The following DTX1 variants were observed in gnomAD, a reference collection of about 807,000 sequenced individuals.
The protein encoded by DTX1 is deltex E3 ubiquitin ligase 1.
DTX1 carries 26 observed loss-of-function variants against 57.8 expected under a neutral mutation model. The observed-to-expected ratio is 0.45, with a 90% confidence interval of 0.33 to 0.62. The LOEUF (loss-of-function observed/expected upper bound fraction) is 0.62. DTX1 is among the 20% of genes least tolerant of loss of function. The probability of loss-of-function intolerance (pLI) is 0.02; values close to 1 mark genes in which losing one functional copy is unlikely to be tolerated. For synonymous variants in DTX1, 398 were observed against 394.1 expected (o/e 1.01, Z -0.12); for missense variants, 704 against 895.3 (o/e 0.79, Z 2.73).
At position 113,077,718 on chromosome 12, in the gene DTX1, C is replaced by T; in HGVS notation, c.554C>T (p.Pro185Leu). Residue 185 changes from proline to leucine, a missense_variant, in exon 3 of 10, where the codon CCT becomes CTT. Pro to Leu is a moderately conservative substitution (Grantham distance 98, BLOSUM62 -3). Coordinates refer to ENST00000548759, the MANE Select transcript of DTX1 (RefSeq NM_004416.3). The surrounding 1 kb of genome is among the most constrained non-coding windows in gnomAD (Gnocchi z 7.8). ...TACCCGCTCACCGTGGGCTCCATCC[C>T]TAAGTCGCAGTCGTGGCCCGTGGGC... ...LAYPLTVGSIPKSQSWPVGAS... is the reference protein window; with the variant it reads ...LAYPLTVGSILKSQSWPVGAS... The T allele has an allele frequency of 1.3e-6, 2 of 1,539,166 alleles. No homozygotes were observed. The highest frequency in any genetic ancestry group is 1.7e-6 in the Non-Finnish European group (2 of 1,147,450).
intron 2 of DTX1, among the ~76,000 whole-genome samples, chr12:113,061,538 C>T (rs927996787): frequency 3.8e-4 from 58 of 152,246 alleles, no homozygotes; most frequent in African/African-American, 1.2e-3. Flanking sequence ...TTTCCACATC[C>T]GTGAAATGGG....
chr12:113,089,066 A>G (rs1259284496), intron 3 of DTX1, among the ~76,000 whole-genome samples: 1 of 152,184 alleles, frequency 6.6e-6, no homozygotes, highest in Non-Finnish European at 1.5e-5. Flanking sequence ...ATAAGCTGAC[A>G]TTTGAGCAGA....
chr12:113,089,621 C>T (rs2136065371), intron 3 of DTX1, among the ~76,000 whole-genome samples: 1 of 152,296 alleles, frequency 6.6e-6, no homozygotes, highest in Non-Finnish European at 1.5e-5. Flanking sequence ...CTCCCACGCT[C>T]AGGGTTCGTG....
At chr12:113,089,744 A>G (rs1460737851) in intron 3 of DTX1, 1 of 152,270 alleles carries the variant, frequency 6.6e-6, no homozygotes. Context: ...ACAGTCCCAC[A>G]GTGACACCCC....
At chr12:113,068,302 G>A (rs2044717792) in intron 2 of DTX1, among the ~76,000 whole-genome samples, 1 of 152,196 alleles carries the variant, frequency 6.6e-6, no homozygotes, top group Non-Finnish European at 1.5e-5. Flanking sequence ...GGGCTGCCAG[G>A]CCCGAAGGAA....
chr12:113,073,415 C>G (rs1383607376), intron 2 of DTX1, among the ~76,000 whole-genome samples: 1 of 152,170 alleles, frequency 6.6e-6, no homozygotes, highest in African/African-American at 2.4e-5. Context: ...AATGATAAAT[C>G]AGGCATCAGA....
At chr12:113,075,963 G>A (rs554760447) in intron 2 of DTX1, among the ~76,000 whole-genome samples, 1 of 151,934 alleles carries the variant, frequency 6.6e-6, no homozygotes, top group Non-Finnish European at 1.5e-5. Context: ...ATTCTAGCGA[G>A]GGGGGGACAG....
Position 113,094,112 on chromosome 12 carries a change from T to TGGGGGGGGGGGGGGAG in DTX1, c.1227+20_1227+21insGGGGGGGAGGGGGGGG. The TGGGGGGGGGGGGGGAG allele has an allele frequency of 4.4e-6, 2 of 454,742 alleles. No homozygotes were observed. Among genetic ancestry groups the TGGGGGGGGGGGGGGAG allele is most frequent in the Admixed American group, 6.7e-5 (2 of 29,696 alleles). The allele number at this position is 454,742 out of a possible 1,614,324, so 28.2% of individuals were successfully genotyped here. On this transcript the variant is annotated intron_variant, in intron 6 of 9. Transcript: ENST00000548759. ...CCCACCTGATGAGGTGAGGAGGGGATGGGGGGGCTGGGGGAGGGCCCTGGC... is the reference window on the plus strand; with the variant it reads ...CCCACCTGATGAGGTGAGGAGGGGATGGGGGGGGGGGGGGAGGGGGGGGCTGGGGGAGGGCCCTGGC...
intron 3 of DTX1, among the ~76,000 whole-genome samples, chr12:113,086,823 A>G (rs1027297364): frequency 1.1e-5 from 1 of 87,462 alleles, no homozygotes; most frequent in Admixed American, 1.2e-4. Context: ...CTGGCTGCCC[A>G]CCCTCCCCCA....
At position 113,094,727 on chromosome 12, in the gene DTX1, G is replaced by A. The variant is rs1182578998; in HGVS notation, c.1228-62G>A. 4.5e-6 allele frequency: 7 copies of A among 1,570,446 alleles called. No homozygotes were observed. In the African/African-American group the frequency reaches 9.4e-5, roughly 21 times the overall value. On this transcript the variant is annotated intron_variant, in intron 6 of 9. Transcript: ENST00000548759. ...GCCTATGGTGACCCACCAAGGGGCA[G>A]TGCTGACCCAGTAGGTGCCCTGCCC...
intron 3 of DTX1, among the ~76,000 whole-genome samples, chr12:113,079,694 C>CTGTGTGTGTGTGTGTGTG (rs71086139): frequency 1.5e-5 from 2 of 132,384 alleles, no homozygotes; most frequent in East Asian, 2.3e-4. Context: ...TTCCCGGCTA[C>CTGTGTGTGTGTGTGTGTG]TGTGTGTGTG....
chr12:113,097,899 C>T lies in DTX1; in HGVS notation c.*960C>T, dbSNP rs1016326920. ...GGGGCCTGTTGCCCAGGCAACTCAC[C>T]AGCTCCGCCTCTGCTGATTGGCTGC... On this transcript the variant is annotated 3_prime_UTR_variant, in exon 10 of 10. Coordinates refer to ENST00000548759, the MANE Select transcript of DTX1 (RefSeq NM_004416.3). 2 of 152,732 alleles carry T rather than the reference C, an allele frequency of 1.3e-5. No individual in the cohort carries two copies. The highest frequency in any genetic ancestry group is 4.8e-5 in the African/African-American group (2 of 41,466). 9.5% of individuals were successfully genotyped at this position (152,732 alleles called of 1,614,324 possible).
chr12:113,095,665 AC>A (rs1205666923), intron 9 of DTX1: 2 of 504,192 alleles, frequency 4.0e-6, no homozygotes, highest in Non-Finnish European at 7.1e-6. Context: ...AAGTCACTTG[AC>A]TGTGGTCACA....
In DTX1 at chr12:113,094,032, C is replaced by T; in HGVS notation, c.1166-6C>T. On this transcript the variant is annotated splice_region_variant and splice_polypyrimidine_tract_variant and intron_variant, in intron 5 of 9. Coordinates refer to ENST00000548759, the MANE Select transcript of DTX1 (RefSeq NM_004416.3). ...CCCTCAAACCCACCCCGCTGTGTCCCTGCAGGTAAGAATCCCGAGGATGTG... is the reference window on the plus strand; with the variant it reads ...CCCTCAAACCCACCCCGCTGTGTCCTTGCAGGTAAGAATCCCGAGGATGTG... 6.4e-7 allele frequency: 1 copy of T among 1,572,012 alleles called. No individual in the cohort carries two copies. The highest frequency in any genetic ancestry group is 8.6e-7 in the Non-Finnish European group (1 of 1,157,664).
intron 2 of DTX1, among the ~76,000 whole-genome samples, chr12:113,075,413 G>A (rs1379036989): frequency 6.6e-6 from 1 of 152,246 alleles, no homozygotes; most frequent in African/African-American, 2.4e-5. Flanking sequence ...TAAGGCCTGA[G>A]GAGGCTTAAG....
At chr12:113,086,236 G>T (rs1214100112) in intron 3 of DTX1, among the ~76,000 whole-genome samples, 1 of 151,164 alleles carries the variant, frequency 6.6e-6, no homozygotes, top group Non-Finnish European at 1.5e-5. Flanking sequence ...TCCAGCCTGG[G>T]TGGCAGAGCA....
In DTX1 at chr12:113,079,699, T is replaced by A. The variant is rs1167307259; in HGVS notation, c.941+1594T>A. On this transcript the variant is annotated intron_variant, in intron 3 of 9. Transcript: ENST00000548759. ...CATGCCACCATTCCCGGCTACTGTG[T>A]GTGTGTGTGTGTGTGTGTGTGTGTG... Among the ~76,000 whole-genome samples, 6 of 71,672 alleles carry A rather than the reference T, an allele frequency of 8.4e-5. No homozygotes were observed. In the East Asian group the frequency reaches 1.3e-3, roughly 16 times the overall value. The allele number at this position is 71,672 out of a possible 152,430, so 47.0% of individuals were successfully genotyped here.
At chr12:113,057,011 A>T (rs1039789927) in intron 1 of DTX1, 67 bp downstream of exon 1, 1 of 151,788 alleles carries the variant, frequency 6.6e-6, no homozygotes, top group Admixed American at 6.5e-5. Flanking sequence ...CGGCTCGGGG[A>T]CGTCTGGGCT....
In DTX1 at chr12:113,058,446, A is replaced by G. The variant is rs143941508; in HGVS notation, c.254A>G (p.Asp85Gly). ...DLQSMHQFRQ[D>G]TGTMRPVRRN... ...CAGTCCATGCACCAGTTTCGCCAGG[A>G]CACAGGTGAGCAGACACCCACCCCA... is the stretch of plus-strand genomic sequence containing the variant. The change falls in exon 2 of 10, where the codon GAC becomes GGC. Residue 85 changes from aspartate to glycine, a missense_variant. This residue lies in a region of DTX1 where 237 missense variants were observed against 328.6 expected (regional missense o/e 0.72). Transcript: ENST00000548759. 6.3e-7 allele frequency: 1 copy of G among 1,598,838 alleles called. No individual in the cohort carries two copies. The highest frequency in any genetic ancestry group is 8.5e-7 in the Non-Finnish European group (1 of 1,177,602).
Sources: allele counts gnomAD v4.1 joint callset (sites outside exome capture counted in the v4.1 genomes callset), GRCh38; gene constraint gnomAD v4.1.1; regional missense constraint gnomAD v4.1.1; non-coding constraint Gnocchi (gnomAD v3.1); transcripts MANE v1.5; gene names NCBI Gene and HGNC (gene_info 2026-07-23, HGNC 2026-07-21).